Variants in SPAG17 observed in about 807,000 individuals in gnomAD.
The protein encoded by SPAG17 is sperm-associated antigen 17.
A neutral mutation model predicts 273.6 loss-of-function variants in SPAG17; 169 were observed. The observed-to-expected ratio is 0.62, with a 90% CI of 0.55 to 0.70. SPAG17 has a LOEUF of 0.70. SPAG17 is among the 30% of genes least tolerant of loss of function. The pLI is 0.00. For missense variants in SPAG17, 2,557 were observed against 2,627.8 expected (o/e 0.97, Z 0.59); for synonymous variants, 825 against 873.2 (o/e 0.94, Z 0.97).
chr1:118,096,833 T>G (rs563228671), intron 7 of SPAG17, among the ~76,000 whole-genome samples: 90 of 152,308 alleles, frequency 5.9e-4, no homozygotes, highest in Middle Eastern at 3.4e-3. Flanking sequence ...TGCAAACTCC[T>G]CAATAGCAGG....
intron 5 of SPAG17, among the ~76,000 whole-genome samples, chr1:118,100,215 C>A (rs1289587061): frequency 3.3e-5 from 5 of 152,108 alleles, no homozygotes; most frequent in Non-Finnish European, 5.9e-5. Context: ...GAGGTGTTTA[C>A]AGGAGAGGGA....
At chr1:118,155,352 A>C (rs1254535119) in intron 1 of SPAG17, among the ~76,000 whole-genome samples, 1 of 152,170 alleles carries the variant, frequency 6.6e-6, no homozygotes, top group Non-Finnish European at 1.5e-5. Context: ...TATATTGCAA[A>C]TTCTCCAAAT....
chr1:118,115,238 C>A, intron 4 of SPAG17, 72 bp downstream of exon 4: 1 of 1,552,564 alleles, frequency 6.4e-7, no homozygotes, highest in Admixed American at 1.8e-5. Context: ...AGAGGAAGTG[C>A]CCCTGGAGAA....
chr1:118,004,317 G>A (rs548898897), intron 32 of SPAG17, among the ~76,000 whole-genome samples: 6 of 152,314 alleles, frequency 3.9e-5, no homozygotes, highest in South Asian at 2.1e-4. Flanking sequence ...GAGTTCAAAC[G>A]CCATGTTGGG....
At chr1:118,008,314 A>T in intron 30 of SPAG17, 116 bp from the exon 31 acceptor site, 1 of 1,202,520 alleles carries the variant, frequency 8.3e-7, no homozygotes, top group Non-Finnish European at 1.2e-6. Flanking sequence ...TGGAAAAAAC[A>T]CAATTGTAAA....
chr1:117,972,540 C>A (rs2101520250), intron 44 of SPAG17, among the ~76,000 whole-genome samples: 1 of 152,308 alleles, frequency 6.6e-6, no homozygotes, highest in Middle Eastern at 3.4e-3. Flanking sequence ...TTGGTCTGTG[C>A]CCTTATTATT....
intron 3 of SPAG17, among the ~76,000 whole-genome samples, chr1:118,148,598 C>T (rs369264499): frequency 9.2e-5 from 14 of 152,238 alleles, no homozygotes; most frequent in East Asian, 7.7e-4. Flanking sequence ...AGACACAGAG[C>T]ACTGATTGGT....
Position 117,968,366 on chromosome 1 carries a change from A to T in SPAG17, c.6388-1613T>A, listed in dbSNP as rs1457400638. ...TTGGCATAATCCCTACTTTAAATTA[A>T]AATGAGATTTGCTAACTTCCCAGAA... On this transcript the variant is annotated intron_variant, in intron 46 of 48. Coordinates refer to ENST00000336338, the MANE Select transcript of SPAG17 (RefSeq NM_206996.4). 2.6e-5 allele frequency among the ~76,000 whole-genome samples: 4 copies of T among 152,218 alleles called. 1 individual carries two copies. The East Asian group carries it at 7.7e-4, about 29-fold the overall frequency.
chr1:118,183,278 C>T (rs1020708473), intron 1 of SPAG17, among the ~76,000 whole-genome samples: 1 of 152,130 alleles, frequency 6.6e-6, no homozygotes, highest in African/African-American at 2.4e-5. Context: ...CAATAGAGCA[C>T]ACTACGTGTG....
intron 20 of SPAG17, among the ~76,000 whole-genome samples, chr1:118,042,551 T>TA (rs957368396): frequency 1.3e-5 from 2 of 152,142 alleles, no homozygotes; most frequent in African/African-American, 4.8e-5. Flanking sequence ...TGTCCTCACA[T>TA]AGACTTGTGG....
At chr1:117,986,290 T>C (rs997628787) in intron 40 of SPAG17, among the ~76,000 whole-genome samples, 28 of 152,344 alleles carry the variant, frequency 1.8e-4, no homozygotes, top group African/African-American at 6.3e-4. Flanking sequence ...AAAATTATTC[T>C]CACAAAAGAA....
chr1:118,158,773 C>T (rs1659776115), intron 1 of SPAG17, among the ~76,000 whole-genome samples: 1 of 152,062 alleles, frequency 6.6e-6, no homozygotes, highest in Non-Finnish European at 1.5e-5. Flanking sequence ...ATATACACAC[C>T]CAGAGGCTTT....
intron 44 of SPAG17, 61 bp from the exon 45 acceptor site, chr1:117,972,108 A>G: frequency 6.9e-7 from 1 of 1,442,412 alleles, no homozygotes; most frequent in Non-Finnish European, 9.3e-7. Context: ...ATTAAAAAAA[A>G]AAAAGTCCCT....
chr1:118,115,595 G>C (rs1291282088), intron 3 of SPAG17, among the ~76,000 whole-genome samples, 154 bp from the exon 4 acceptor site: 3 of 152,000 alleles, frequency 2.0e-5, no homozygotes, highest in African/African-American at 7.2e-5. Context: ...GGAAAAAAAT[G>C]CCTCAATGCT....
At chr1:118,108,124 C>T (rs1656521238) in intron 4 of SPAG17, among the ~76,000 whole-genome samples, 1 of 152,156 alleles carries the variant, frequency 6.6e-6, no homozygotes, top group Non-Finnish European at 1.5e-5. Flanking sequence ...GCTCTCTCCC[C>T]ATGGCTGACC....
At chr1:117,989,849 G>C (rs1238725703) in intron 38 of SPAG17, among the ~76,000 whole-genome samples, 5 of 152,076 alleles carry the variant, frequency 3.3e-5, no homozygotes, top group Admixed American at 2.0e-4. Context: ...CGAAGTGCTA[G>C]GATTACAGGC....
At chr1:118,063,573 C>G (rs1652592169) in intron 18 of SPAG17, among the ~76,000 whole-genome samples, 1 of 152,130 alleles carries the variant, frequency 6.6e-6, no homozygotes, top group Admixed American at 6.6e-5. Context: ...ACACCTGATA[C>G]AAAAATTAAG....
At chr1:117,965,551 T>C (rs1037056482) in intron 47 of SPAG17, 1 of 152,280 alleles carries the variant, frequency 6.6e-6, no homozygotes, top group Non-Finnish European at 1.5e-5. Flanking sequence ...TTTTGCAGTT[T>C]CCTTCCCCCA....
At position 117,994,516 on chromosome 1, in the gene SPAG17, T is replaced by C. The variant is rs766218078; in HGVS notation, c.5068A>G (p.Thr1690Ala). The change falls in exon 35 of 49, where the codon ACA becomes GCA. Residue 1690 changes from threonine to alanine, a missense_variant. Coordinates refer to ENST00000336338, the MANE Select transcript of SPAG17 (RefSeq NM_206996.4). The stretch of plus-strand genomic sequence containing the variant: ...GCTTCATGGAAAGGGCGAAGGACTG[T>C]GATGGTTAGGGTGCCTGGTTCAAAG... ...VQEQPGTLTI[T>A]VLRPFHEASP... is the part of the protein sequence containing the mutation. 2 of 1,611,094 alleles carry C rather than the reference T, an allele frequency of 1.2e-6. No homozygotes were observed. The highest frequency in any genetic ancestry group is 1.3e-5 in the African/African-American group (1 of 74,782).
Sources: gnomAD v4.1 joint callset for allele counts (sites outside exome capture counted in the v4.1 genomes callset) on GRCh38, gnomAD v4.1.1 for gene constraint, MANE v1.5 for transcripts, NCBI Gene and HGNC (gene_info 2026-07-23, HGNC 2026-07-21) for gene names.